The following TCF4 variants were observed in gnomAD, a reference collection of about 807,000 sequenced individuals.
TCF4 encodes transcription factor 4, also known as SL3-3 enhancer factor 2.
A neutral mutation model predicts 82.1 loss-of-function variants in TCF4; 3 were observed. That is an observed-to-expected ratio of 0.04 (90% CI 0.02 to 0.09). The LOEUF (loss-of-function observed/expected upper bound fraction) is 0.09. Ranked by LOEUF, TCF4 falls within the 10% of genes least tolerant of loss-of-function variation. The pLI, the probability that TCF4 is intolerant of heterozygous loss-of-function variation, is 1.00. For synonymous variants in TCF4, 276 were observed against 309.6 expected (o/e 0.89, Z 1.14); for missense variants, 518 against 852.7 (o/e 0.61, Z 4.89).
At chr18:55,627,915 C>T (rs1266406831) in intron 2 of TCF4, among the ~76,000 whole-genome samples, 1 of 152,054 alleles carries the variant, frequency 6.6e-6, no homozygotes, top group Non-Finnish European at 1.5e-5. Flanking sequence ...AAAAAATTAG[C>T]AGGGCGTGGT....
At chr18:55,333,420 T>G (rs1603053061) in intron 8 of TCF4, among the ~76,000 whole-genome samples, 1 of 151,942 alleles carries the variant, frequency 6.6e-6, no homozygotes, top group South Asian at 2.1e-4. Flanking sequence ...ATATTTTATC[T>G]CTATTGTCTA....
In TCF4 at chr18:55,580,742, ATGTGTG is replaced by A. The variant is rs5825144; in HGVS notation, c.145+4532_145+4537del. On this transcript the variant is annotated intron_variant, in intron 3 of 19. Coordinates refer to ENST00000354452, the MANE Select transcript of TCF4 (RefSeq NM_001083962.2). ...TAATCTTGCAAAAATGAGCTGTCTG[ATGTGTG>A]TGTGTGTGTGTGTGTGTGTGTGTGT... Among the ~76,000 whole-genome samples the A allele has an allele frequency of 1.3e-3, 184 of 145,368 alleles. 1 individual carries two copies. Among genetic ancestry groups the A allele is most frequent in the African/African-American group, 3.4e-3 (133 of 39,508 alleles).
chr18:55,336,281 TAG>T (rs1464983679), intron 8 of TCF4, among the ~76,000 whole-genome samples: 2 of 152,058 alleles, frequency 1.3e-5, no homozygotes, highest in Non-Finnish European at 2.9e-5. Flanking sequence ...CCCTCCTAAA[TAG>T]AGAGTATGTC....
At chr18:55,401,405 A>C in intron 6 of TCF4, 1 of 1,077,654 alleles carries the variant, frequency 9.3e-7, no homozygotes, top group South Asian at 2.8e-5. Context: ...TCCACACTCC[A>C]CGGCTACATT....
At chr18:55,452,115 T>C (rs1157669224) in intron 5 of TCF4, among the ~76,000 whole-genome samples, 6 of 152,146 alleles carry the variant, frequency 3.9e-5, no homozygotes, top group Admixed American at 3.9e-4. Flanking sequence ...ACATCCTGGT[T>C]ACCTTTAATG....
At position 55,267,548 on chromosome 18, in the gene TCF4, A is replaced by G. The variant is rs180895737; in HGVS notation, c.922+2283T>C. On this transcript the variant is annotated intron_variant, in intron 11 of 19. Coordinates refer to ENST00000354452, the MANE Select transcript of TCF4 (RefSeq NM_001083962.2). ...TTATTATGCTTAAATTTTCCTCTGCATTTTCACGTACGCAATTGGTGAACA... is the reference window on the plus strand; with the variant it reads ...TTATTATGCTTAAATTTTCCTCTGCGTTTTCACGTACGCAATTGGTGAACA... The G allele has an allele frequency of 2.2e-4, 34 of 152,284 alleles. No individual in the cohort carries two copies. The East Asian group carries it at 5.6e-3, about 25-fold the overall frequency. 9.4% of individuals were successfully genotyped at this position (152,284 alleles called of 1,614,324 possible). A position where few individuals can be genotyped will look rare whatever the true frequency, so the allele number is the denominator to read the frequency against.
intron 5 of TCF4, among the ~76,000 whole-genome samples, chr18:55,420,002 C>A (rs1217121637): frequency 1.3e-5 from 2 of 152,130 alleles, no homozygotes; most frequent in East Asian, 3.9e-4. Flanking sequence ...GAGGGTAAAA[C>A]TGATCACCCA....
At chr18:55,323,585 C>G (rs1206260796) in intron 8 of TCF4, among the ~76,000 whole-genome samples, 1 of 152,190 alleles carries the variant, frequency 6.6e-6, no homozygotes. Context: ...ATTATAATCA[C>G]ACATTTCATT....
At chr18:55,538,549 G>A (rs9957688) in intron 3 of TCF4, among the ~76,000 whole-genome samples, 5,544 of 152,212 alleles carry the variant, frequency 0.036, 281 homozygotes, top group African/African-American at 0.11. Context: ...TTCAGTCTCC[G>A]GAAGGAATCC....
chr18:55,263,391 G>A (rs536534565), intron 11 of TCF4, among the ~76,000 whole-genome samples: 1 of 152,074 alleles, frequency 6.6e-6, no homozygotes, highest in African/African-American at 2.4e-5. Flanking sequence ...TTTAATATAA[G>A]ATAAAATACA....
intron 3 of TCF4, among the ~76,000 whole-genome samples, chr18:55,538,803 T>A (rs1244485382): frequency 6.6e-6 from 1 of 152,148 alleles, no homozygotes; most frequent in Non-Finnish European, 1.5e-5. Flanking sequence ...TATCTATCTT[T>A]AAAAAAATTG....
Position 55,228,495 on chromosome 18 carries a change from A to C in TCF4, c.1880-134T>G, listed in dbSNP as rs2046977248. 2.3e-6 allele frequency: 3 copies of C among 1,276,824 alleles called. No individual in the cohort carries two copies. In the Admixed American group the frequency reaches 5.4e-5, roughly 23 times the overall value. 79.1% of individuals were successfully genotyped at this position (1,276,824 alleles called of 1,614,324 possible). ...AGAACAAAAGGAACAGTTACTAAGT[A>C]CTGTGGCAATCCATTTGGTCAGTCA... On this transcript the variant is annotated intron_variant, in intron 18 of 19. Coordinates refer to ENST00000354452, the MANE Select transcript of TCF4 (RefSeq NM_001083962.2).
intron 6 of TCF4, among the ~76,000 whole-genome samples, chr18:55,383,263 G>A (rs1027874883): frequency 3.3e-5 from 5 of 152,214 alleles, no homozygotes; most frequent in African/African-American, 4.8e-5. Flanking sequence ...GTTCAATGAT[G>A]AAGGCTTGCT....
intron 9 of TCF4, among the ~76,000 whole-genome samples, chr18:55,279,176 T>C (rs1170082142): frequency 6.6e-6 from 1 of 152,182 alleles, no homozygotes; most frequent in East Asian, 1.9e-4. Flanking sequence ...TGTTCCCAGT[T>C]GGCTAAATCC....
chr18:55,255,231 C>T (rs1368550684), intron 14 of TCF4, among the ~76,000 whole-genome samples: 2 of 152,058 alleles, frequency 1.3e-5, no homozygotes, highest in African/African-American at 2.4e-5. Context: ...GAGTTTTTAC[C>T]GGTGTTTCTG....
chr18:55,339,268 T>A (rs2147922774), intron 8 of TCF4, among the ~76,000 whole-genome samples: 1 of 152,308 alleles, frequency 6.6e-6, no homozygotes, highest in South Asian at 2.1e-4. Context: ...AAAAACACTC[T>A]CATCAGAATC....
chr18:55,588,622 C>A (rs2097675348), upstream of TCF4: 16 of 1,459,140 alleles, frequency 1.1e-5, no homozygotes, highest in Non-Finnish European at 1.4e-5. Context: ...ACTCACACAT[C>A]CACACACGGC....
intron 1 of TCF4, among the ~76,000 whole-genome samples, chr18:55,635,097 C>A (rs1251670352): frequency 6.6e-6 from 1 of 152,038 alleles, no homozygotes; most frequent in African/African-American, 2.4e-5. Flanking sequence ...GAAAGAGGAA[C>A]CATGGATTAT....
intron 3 of TCF4, among the ~76,000 whole-genome samples, chr18:55,498,997 G>A (rs2096667589): frequency 6.6e-6 from 1 of 152,132 alleles, no homozygotes. Context: ...TCTTTCCCTT[G>A]ACATGGTGAA....
Sources: gnomAD v4.1 joint callset for allele counts (sites outside exome capture counted in the v4.1 genomes callset) on GRCh38, gnomAD v4.1.1 for gene constraint, MANE v1.5 for transcripts, NCBI Gene and HGNC (gene_info 2026-07-23, HGNC 2026-07-21) for gene names.